The following DPP6 variants were observed in gnomAD, a reference collection of about 807,000 sequenced individuals.
DPP6 encodes the protein A-type potassium channel modulatory protein DPP6.
A neutral mutation model predicts 122.6 loss-of-function variants in DPP6; 69 were observed. That is an observed-to-expected ratio of 0.56 (90% confidence interval 0.46 to 0.69). The LOEUF is 0.69. Ranked by LOEUF, DPP6 falls within the 30% of genes least tolerant of loss-of-function variation. The probability of loss-of-function intolerance (pLI) is 0.00; values close to 1 mark genes in which losing one functional copy is unlikely to be tolerated. For missense variants in DPP6, 928 were observed against 1,116.9 expected (o/e 0.83, Z 2.41); for synonymous variants, 418 against 433.1 (o/e 0.97, Z 0.43).
chr7:154,198,567 G>A (rs1185519526), intron 1 of DPP6, among the ~76,000 whole-genome samples: 1 of 152,086 alleles, frequency 6.6e-6, no homozygotes, highest in Non-Finnish European at 1.5e-5. Context: ...GCCCGCCTCG[G>A]CCACCCAAAG....
chr7:154,722,560 G>C (rs1315859173), intron 7 of DPP6, among the ~76,000 whole-genome samples: 1 of 152,226 alleles, frequency 6.6e-6, no homozygotes, highest in African/African-American at 2.4e-5. Flanking sequence ...AAAAATACAT[G>C]AGAAAAATCG....
chr7:154,830,787 G>A (rs112941153), intron 16 of DPP6, among the ~76,000 whole-genome samples: 1,764 of 152,316 alleles, frequency 0.012, 39 homozygotes, highest in African/African-American at 0.037. Flanking sequence ...CACCGTGCAC[G>A]CCCTGTGGAG....
chr7:154,060,327 G>T (rs1330916411), intron 1 of DPP6, among the ~76,000 whole-genome samples: 1 of 124,972 alleles, frequency 8.0e-6, no homozygotes, highest in Non-Finnish European at 1.7e-5. Context: ...CCCCATCGCA[G>T]GAGGGGGAGG....
chr7:153,782,251 G>A, the DPP6 span, among the ~76,000 whole-genome samples: 1 of 152,006 alleles, frequency 6.6e-6, no homozygotes, highest in African/African-American at 2.4e-5. Flanking sequence ...CCAATGTTAT[G>A]GTTTAGGCAT....
chr7:153,792,861 CATG>C, the DPP6 span, among the ~76,000 whole-genome samples: 1 of 152,174 alleles, frequency 6.6e-6, no homozygotes, highest in Admixed American at 6.5e-5. Flanking sequence ...ATGCTATTCT[CATG>C]ATAATGAATA....
At chr7:154,117,872 G>A (rs951986789) in intron 1 of DPP6, among the ~76,000 whole-genome samples, 3 of 152,114 alleles carry the variant, frequency 2.0e-5, no homozygotes, top group Non-Finnish European at 4.4e-5. Context: ...CTGATGTAGA[G>A]AGGGATTTTC....
chr7:154,709,552 G>A (rs1323432982), intron 7 of DPP6, among the ~76,000 whole-genome samples: 1 of 150,894 alleles, frequency 6.6e-6, no homozygotes, highest in Non-Finnish European at 1.5e-5. Context: ...TTTTGTATAT[G>A]TGTGAGTGTG....
chr7:154,365,659 A>C (rs1812094588), intron 1 of DPP6, among the ~76,000 whole-genome samples: 1 of 152,164 alleles, frequency 6.6e-6, no homozygotes, highest in South Asian at 2.1e-4. Flanking sequence ...TCCTTCTTAA[A>C]AGTGGGGAAG....
In DPP6 at chr7:154,892,667, C is replaced by T. The variant is rs200060614; in HGVS notation, c.*187C>T. On this transcript the variant is annotated 3_prime_UTR_variant, in exon 26 of 26. Transcript: ENST00000377770. ...AAGCTCCTTCCCCGGGGTCATCACT[C>T]ACGGCCTCCATGGCACCAGGGACAA... is the stretch of plus-strand genomic sequence containing the variant. 541 of 1,234,760 alleles carry T rather than the reference C, an allele frequency of 4.4e-4. 3 individuals carry two copies. The highest frequency in any genetic ancestry group is 5.3e-4 in the Non-Finnish European group (456 of 864,264). The allele number at this position is 1,234,760 out of a possible 1,614,324, so 76.5% of individuals were successfully genotyped here.
In DPP6 at chr7:153,988,729, T is replaced by C. The variant is rs1337971769; in HGVS notation, c.51+100995T>C. On this transcript the variant is annotated intron_variant, in intron 1 of 25. Coordinates refer to the DPP6 transcript ENST00000404039. The stretch of plus-strand genomic sequence containing the variant: ...GAGTTGAAGAGCTTCTCAGCGTGGA[T>C]AGGAAATCATGGAAATGAGGAATGA... Among the ~76,000 whole-genome samples the C allele has an allele frequency of 4.6e-5, 7 of 152,264 alleles. No individual in the cohort carries two copies. In the South Asian group the frequency reaches 1.2e-3, roughly 27 times the overall value.
rs1799281218 is a variant in DPP6, at chr7:154,814,348, A to G, written c.1666+7236A>G. On this transcript the variant is annotated intron_variant, in intron 16 of 25. Transcript: ENST00000377770. ...GTCTTTGACTACCTGATAAACCCCT[A>G]TACATTCTCCAAGACTTTCAGGGCA... 2.6e-5 allele frequency among the ~76,000 whole-genome samples: 4 copies of G among 152,136 alleles called. 1 individual carries two copies. In the South Asian group the frequency reaches 8.3e-4, roughly 32 times the overall value.
intron 5 of DPP6, among the ~76,000 whole-genome samples, chr7:154,635,507 G>T (rs1451477896): frequency 6.6e-6 from 1 of 152,198 alleles, no homozygotes; most frequent in African/African-American, 2.4e-5. Context: ...ATCTAAATCT[G>T]ATTTTAAAAT....
the DPP6 span, among the ~76,000 whole-genome samples, chr7:153,818,008 G>C: frequency 6.6e-6 from 1 of 151,910 alleles, no homozygotes; most frequent in African/African-American, 2.4e-5. Context: ...GATATTCTCA[G>C]CCCATAGAAC....
chr7:154,303,895 C>A (rs1443513091), intron 1 of DPP6, among the ~76,000 whole-genome samples: 2 of 152,140 alleles, frequency 1.3e-5, no homozygotes, highest in Non-Finnish European at 2.9e-5. Flanking sequence ...ATTTTGCTGG[C>A]TGGTTTGTTT....
At chr7:154,881,382 C>A (rs1265533530) in intron 21 of DPP6, among the ~76,000 whole-genome samples, 2 of 152,150 alleles carry the variant, frequency 1.3e-5, no homozygotes, top group Non-Finnish European at 2.9e-5. Context: ...AAACCAGAGC[C>A]GCTCCCATCT....
intron 1 of DPP6, among the ~76,000 whole-genome samples, chr7:154,313,397 A>G (rs912602586): frequency 6.6e-6 from 1 of 152,048 alleles, no homozygotes; most frequent in Non-Finnish European, 1.5e-5. Context: ...GAAAGCATAC[A>G]ATGGAAAACA....
chr7:153,960,505 G>A (rs984633001), intron 1 of DPP6, among the ~76,000 whole-genome samples: 15 of 151,596 alleles, frequency 9.9e-5, no homozygotes, highest in African/African-American at 3.6e-4. Flanking sequence ...GATATGTGAG[G>A]GAAGGTGAAA....
chr7:154,506,952 G>A (rs1825712894), intron 3 of DPP6, among the ~76,000 whole-genome samples: 1 of 152,172 alleles, frequency 6.6e-6, no homozygotes, highest in African/African-American at 2.4e-5. Context: ...CCCCTAGAAA[G>A]TTTTCCGAGA....
chr7:154,711,921 G>A (rs1841205013), intron 7 of DPP6, among the ~76,000 whole-genome samples: 1 of 136,938 alleles, frequency 7.3e-6, no homozygotes, highest in Non-Finnish European at 1.6e-5. Flanking sequence ...AATATTAAGG[G>A]TGTAAATTGT....
Sources: allele counts gnomAD v4.1 joint callset (sites outside exome capture counted in the v4.1 genomes callset), GRCh38; gene constraint gnomAD v4.1.1; transcripts MANE v1.5; gene names NCBI Gene and HGNC (gene_info 2026-07-23, HGNC 2026-07-21).